Variants in KANK1 observed in about 807,000 individuals in gnomAD.
The protein encoded by KANK1 is KN motif and ankyrin repeat domains 1.
A neutral mutation model predicts 106.2 loss-of-function variants in KANK1; 109 were observed. The ratio of observed to expected loss-of-function variants is 1.03; its 90% CI spans 0.88 to 1.20. The LOEUF (loss-of-function observed/expected upper bound fraction) is 1.20. Among genes scored for constraint, KANK1 ranks in the 50% most tolerant of loss-of-function variants. The pLI, the probability that KANK1 is intolerant of heterozygous loss-of-function variation, is 0.00. For missense variants in KANK1, 2,399 were observed against 1,710.7 expected (o/e 1.40, Z -7.10); for synonymous variants, 873 against 652.2 (o/e 1.34, Z -5.16).
intron 3 of KANK1, among the ~76,000 whole-genome samples, chr9:727,054 G>A (rs941624342): frequency 3.3e-5 from 5 of 152,158 alleles, no homozygotes; most frequent in African/African-American, 1.2e-4. Context: ...GCTCATCTAT[G>A]TTAATATTCT....
chr9:557,370 C>G (rs1226866236), intron 1 of KANK1, among the ~76,000 whole-genome samples: 1 of 152,020 alleles, frequency 6.6e-6, no homozygotes, highest in Non-Finnish European at 1.5e-5. Context: ...GTGATGGGTG[C>G]ATTGTATTCA....
chr9:493,215 A>G (rs2058405681), intron 3 of KANK1, among the ~76,000 whole-genome samples: 1 of 150,844 alleles, frequency 6.6e-6, no homozygotes, highest in Non-Finnish European at 1.5e-5. Flanking sequence ...CATTGCAGCC[A>G]CCATCTTGGT....
At chr9:690,070 C>CT (rs1819502595) in intron 2 of KANK1, among the ~76,000 whole-genome samples, 7 of 141,324 alleles carry the variant, frequency 5.0e-5, no homozygotes, top group Non-Finnish European at 1.1e-4. Flanking sequence ...GGTGGATCAC[C>CT]TGAGGTCAGG....
At chr9:709,158 G>A (rs1165799999) in intron 2 of KANK1, among the ~76,000 whole-genome samples, 3 of 152,188 alleles carry the variant, frequency 2.0e-5, no homozygotes, top group East Asian at 1.9e-4. Flanking sequence ...GAGTCAACAC[G>A]GAGAAAACTC....
chr9:610,535 T>C (rs1830319415), intron 1 of KANK1, among the ~76,000 whole-genome samples: 1 of 152,190 alleles, frequency 6.6e-6, no homozygotes, highest in South Asian at 2.1e-4. Flanking sequence ...GTTGGTTTAA[T>C]ATAGCAGCTG....
At chr9:686,999 G>A in intron 2 of KANK1, 1 of 904,344 alleles carries the variant, frequency 1.1e-6, no homozygotes, top group Non-Finnish European at 1.3e-6. Flanking sequence ...GCTTTGAGAT[G>A]AGACTTTGCA....
intron 1 of KANK1, among the ~76,000 whole-genome samples, chr9:589,129 G>C (rs1824214347): frequency 6.6e-6 from 1 of 152,184 alleles, no homozygotes; most frequent in Non-Finnish European, 1.5e-5. Flanking sequence ...GAATGTTAAA[G>C]TGCTTTATAT....
intron 1 of KANK1, among the ~76,000 whole-genome samples, chr9:508,248 C>T (rs1014064623): frequency 6.9e-6 from 1 of 145,516 alleles, no homozygotes; most frequent in African/African-American, 2.5e-5. Context: ...AAGCGATTCT[C>T]TGCCTCAGCC....
chr9:556,095 C>G (rs1414208178), intron 1 of KANK1, among the ~76,000 whole-genome samples: 3 of 152,062 alleles, frequency 2.0e-5, no homozygotes, highest in African/African-American at 4.8e-5. Context: ...TCTGTTTTGG[C>G]TCTACCTTGG....
intron 1 of KANK1, among the ~76,000 whole-genome samples, chr9:559,295 G>C (rs185183296): frequency 2.8e-4 from 42 of 152,050 alleles, no homozygotes; most frequent in African/African-American, 9.9e-4. Flanking sequence ...ATATTTTTGT[G>C]CATTGAAGGT....
chr9:536,920 A>G (rs535239637), intron 1 of KANK1, among the ~76,000 whole-genome samples: 1 of 152,292 alleles, frequency 6.6e-6, no homozygotes, highest in African/African-American at 2.4e-5. Context: ...CATTTTATTC[A>G]GGGTGCATCT....
At chr9:522,723 G>C (rs2059605817) in intron 1 of KANK1, among the ~76,000 whole-genome samples, 1 of 151,536 alleles carries the variant, frequency 6.6e-6, no homozygotes, top group South Asian at 2.1e-4. Flanking sequence ...GAGTGACTTT[G>C]GTATCTCATA....
chr9:730,617 T>C lies in KANK1; in HGVS notation c.2896+369T>C, dbSNP rs532740781. ...CTGAGGTGGGAGAATCACTTGAACC[T>C]GGGAGGTGGAGGTTGCAGTGAGCTG... On this transcript the variant is annotated intron_variant, in intron 4 of 11. Coordinates refer to ENST00000382297, the MANE Select transcript of KANK1 (RefSeq NM_015158.5). The C allele has an allele frequency of 1.5e-3, 448 of 295,930 alleles. 1 individual carries two copies. Among genetic ancestry groups the C allele is most frequent in the African/African-American group, 9.6e-3 (428 of 44,740 alleles). 18.3% of individuals were successfully genotyped at this position (295,930 alleles called of 1,614,324 possible). A position where few individuals can be genotyped will look rare whatever the true frequency, so the allele number is the denominator to read the frequency against.
At chr9:532,317 C>T (rs2060096509) in intron 1 of KANK1, among the ~76,000 whole-genome samples, 1 of 146,986 alleles carries the variant, frequency 6.8e-6, no homozygotes, top group Non-Finnish European at 1.5e-5. Context: ...TCTCGGCTCA[C>T]CGCAACCTCT....
intron 1 of KANK1, among the ~76,000 whole-genome samples, chr9:518,397 G>T (rs1433818219): frequency 6.8e-6 from 1 of 148,068 alleles, no homozygotes; most frequent in Non-Finnish European, 1.5e-5. Context: ...TTGACCCCCA[G>T]TGGCCCAGGG....
upstream of KANK1, among the ~76,000 whole-genome samples, chr9:500,497 T>C (rs1321473417): frequency 1.3e-5 from 2 of 152,214 alleles, no homozygotes; most frequent in Non-Finnish European, 2.9e-5. Context: ...GCTGGCCCTA[T>C]GCTGATGAAG....
At chr9:561,595 A>G (rs1563771881) in intron 1 of KANK1, among the ~76,000 whole-genome samples, 1 of 152,220 alleles carries the variant, frequency 6.6e-6, no homozygotes, top group South Asian at 2.1e-4. Context: ...TGGCTTTTGA[A>G]TACTTATTGC....
At chr9:567,797 G>A (rs1587880640) in intron 1 of KANK1, among the ~76,000 whole-genome samples, 1 of 152,152 alleles carries the variant, frequency 6.6e-6, no homozygotes, top group Non-Finnish European at 1.5e-5. Flanking sequence ...GGAGATGCCC[G>A]AGCTTATCAG....
intron 10 of KANK1, among the ~76,000 whole-genome samples, chr9:743,448 C>T (rs1350442249): frequency 6.6e-6 from 1 of 152,178 alleles, no homozygotes; most frequent in African/African-American, 2.4e-5. Flanking sequence ...GTTAGCTGTG[C>T]TGTGGTTTTT....
Sources: gnomAD v4.1 joint callset for allele counts (sites outside exome capture counted in the v4.1 genomes callset) on GRCh38, gnomAD v4.1.1 for gene constraint, MANE v1.5 for transcripts, NCBI Gene and HGNC (gene_info 2026-07-23, HGNC 2026-07-21) for gene names.